The following ERC2 variants were observed in gnomAD, a reference collection of about 807,000 sequenced individuals.
ERC2 encodes ELKS/RAB6-interacting/CAST family member 2, also known as ERC protein 2.
A neutral mutation model predicts 114.8 loss-of-function variants in ERC2; 42 were observed. The observed-to-expected ratio is 0.37, with a 90% CI of 0.29 to 0.47. ERC2 has a LOEUF of 0.47. ERC2 is among the 20% of genes least tolerant of loss of function. ERC2 has a pLI of 0.99. For missense variants in ERC2, 939 were observed against 1,150.7 expected (o/e 0.82, Z 2.66); for synonymous variants, 454 against 425.5 (o/e 1.07, Z -0.82).
In ERC2 at chr3:56,225,639, T is replaced by C. The variant is rs886622345; in HGVS notation, c.1075-52119A>G. On this transcript the variant is annotated intron_variant, in intron 3 of 17. Coordinates refer to ENST00000288221, the MANE Select transcript of ERC2 (RefSeq NM_015576.3). ...CTGAATCACCCAACCCAAACCGAAA[T>C]CCTAAATTAGGCTTTTGTCTAACAC... Among the ~76,000 whole-genome samples the C allele has an allele frequency of 1.3e-5, 2 of 152,108 alleles. 1 individual carries two copies. Among genetic ancestry groups the C allele is most frequent in the Admixed American group, 1.3e-4 (2 of 15,266 alleles).
intron 17 of ERC2, among the ~76,000 whole-genome samples, chr3:55,546,815 A>T (rs1332251112): frequency 6.6e-6 from 1 of 152,168 alleles, no homozygotes; most frequent in Non-Finnish European, 1.5e-5. Flanking sequence ...CCCCTAACCC[A>T]GCCACTTACA....
chr3:55,543,218 G>A (rs2054516362), intron 17 of ERC2, among the ~76,000 whole-genome samples: 1 of 152,196 alleles, frequency 6.6e-6, no homozygotes, highest in Non-Finnish European at 1.5e-5. Flanking sequence ...CTCGGATGGG[G>A]GCAGCAGCAA....
chr3:56,181,930 T>G (rs2150045715), intron 3 of ERC2, among the ~76,000 whole-genome samples: 1 of 152,282 alleles, frequency 6.6e-6, no homozygotes, highest in South Asian at 2.1e-4. Flanking sequence ...ATTCAAGCCT[T>G]CAGATGACTG....
At chr3:55,609,564 C>T (rs1023337911) in intron 17 of ERC2, among the ~76,000 whole-genome samples, 5 of 152,226 alleles carry the variant, frequency 3.3e-5, no homozygotes, top group Admixed American at 2.6e-4. Context: ...CCTCTATTCC[C>T]TGTCGCTTCA....
At chr3:55,877,839 G>A (rs1466490523) in intron 14 of ERC2, among the ~76,000 whole-genome samples, 1 of 152,010 alleles carries the variant, frequency 6.6e-6, no homozygotes, top group African/African-American at 2.4e-5. Flanking sequence ...TGTACTCTCG[G>A]CTCCTTAGTG....
chr3:55,950,415 C>T lies in ERC2; in HGVS notation c.2403+10G>A, dbSNP rs1351382045. The T allele has an allele frequency of 1.2e-6, 2 of 1,613,704 alleles. No homozygotes were observed. Among genetic ancestry groups the T allele is most frequent in the Non-Finnish European group, 1.7e-6 (2 of 1,179,818 alleles). ...TTATTTAGCGATTAAGAAGAGAAGC[C>T]TGTGCTTACCTGCAAATGCTGTGAG... On this transcript the variant is annotated intron_variant, in intron 13 of 17. Coordinates refer to ENST00000288221, the MANE Select transcript of ERC2 (RefSeq NM_015576.3).
chr3:56,305,790 T>G (rs970748888), intron 2 of ERC2, among the ~76,000 whole-genome samples: 20 of 152,346 alleles, frequency 1.3e-4, no homozygotes, highest in African/African-American at 4.6e-4. Flanking sequence ...TTTGCCTGCT[T>G]TTGTAAATAA....
intron 4 of ERC2, among the ~76,000 whole-genome samples, chr3:56,167,356 T>G (rs754594664): frequency 1.3e-5 from 2 of 152,114 alleles, no homozygotes; most frequent in East Asian, 1.9e-4. Flanking sequence ...AGGAGTTAGA[T>G]TCACAAAAAC....
At chr3:55,628,510 A>T (rs1287790218) in intron 17 of ERC2, among the ~76,000 whole-genome samples, 1 of 152,184 alleles carries the variant, frequency 6.6e-6, no homozygotes, top group Admixed American at 6.5e-5. Context: ...CTATTTACTT[A>T]TGCCTTTGCC....
At chr3:55,817,912 G>C (rs2059968030) in intron 14 of ERC2, among the ~76,000 whole-genome samples, 1 of 152,200 alleles carries the variant, frequency 6.6e-6, no homozygotes, top group Non-Finnish European at 1.5e-5. Flanking sequence ...GGACAGAGCA[G>C]CTCCAGGTGA....
chr3:56,028,962 G>A (rs2074215355), intron 7 of ERC2, among the ~76,000 whole-genome samples: 1 of 152,020 alleles, frequency 6.6e-6, no homozygotes, highest in Non-Finnish European at 1.5e-5. Flanking sequence ...GCTTTATCAA[G>A]CTGAGATAGC....
intron 2 of ERC2, among the ~76,000 whole-genome samples, chr3:56,399,494 A>C (rs976253987): frequency 6.6e-6 from 1 of 152,198 alleles, no homozygotes; most frequent in African/African-American, 2.4e-5. Context: ...ATTTCATTAC[A>C]TTCTCTATAT....
At chr3:55,634,538 G>A (rs1232234462) in intron 17 of ERC2, among the ~76,000 whole-genome samples, 1 of 152,172 alleles carries the variant, frequency 6.6e-6, no homozygotes, top group East Asian at 1.9e-4. Context: ...GAATGAATCA[G>A]TCTGATAAAA....
chr3:56,138,933 T>A (rs2080685139), intron 6 of ERC2, among the ~76,000 whole-genome samples: 1 of 152,156 alleles, frequency 6.6e-6, no homozygotes, highest in Admixed American at 6.5e-5. Context: ...TTTGAGAAAC[T>A]CACACAATAT....
intron 12 of ERC2, among the ~76,000 whole-genome samples, chr3:55,967,575 G>A (rs1256324121): frequency 6.6e-6 from 1 of 152,120 alleles, no homozygotes; most frequent in Admixed American, 6.6e-5. Flanking sequence ...CTCAGCTGAA[G>A]AAACTGAAAA....
chr3:56,368,780 A>G (rs1178687689), intron 2 of ERC2, among the ~76,000 whole-genome samples: 1 of 152,108 alleles, frequency 6.6e-6, no homozygotes, highest in Non-Finnish European at 1.5e-5. Context: ...ATCGTCCTAA[A>G]TAGCATCTTT....
chr3:55,704,472 T>C (rs540008639), intron 15 of ERC2, among the ~76,000 whole-genome samples: 50 of 152,386 alleles, frequency 3.3e-4, no homozygotes, highest in Admixed American at 4.6e-4. Flanking sequence ...GGCTTTCTTT[T>C]CTGTCCCTTT....
intron 3 of ERC2, among the ~76,000 whole-genome samples, chr3:56,234,202 G>C (rs1375312458): frequency 6.6e-6 from 1 of 152,196 alleles, no homozygotes; most frequent in African/African-American, 2.4e-5. Context: ...GCAAGACAAA[G>C]AGTAGCAGCA....
At chr3:56,016,772 T>C (rs2073339618) in intron 8 of ERC2, among the ~76,000 whole-genome samples, 1 of 152,124 alleles carries the variant, frequency 6.6e-6, no homozygotes, top group African/African-American at 2.4e-5. Context: ...AGAGAGGCAA[T>C]TACTTGCCAG....
Sources: allele counts gnomAD v4.1 joint callset (sites outside exome capture counted in the v4.1 genomes callset), GRCh38; gene constraint gnomAD v4.1.1; transcripts MANE v1.5; gene names NCBI Gene and HGNC (gene_info 2026-07-23, HGNC 2026-07-21).